Variants in NOC3L observed in about 807,000 individuals in gnomAD.
NOC3L encodes the protein NOC3 like DNA replication regulator.
In NOC3L, 85 loss-of-function variants were observed where a neutral mutation model predicts 102.5. The observed-to-expected ratio is 0.83, with a 90% CI of 0.70 to 0.99. NOC3L has a LOEUF of 0.99. NOC3L is among the 50% of genes least tolerant of loss of function. NOC3L has a pLI of 0.00. For missense variants in NOC3L, 878 were observed against 914.9 expected (o/e 0.96, Z 0.52); for synonymous variants, 303 against 309.4 (o/e 0.98, Z 0.22).
chr10:94,336,247 A>G (rs2054216293), intron 19 of NOC3L, among the ~76,000 whole-genome samples: 1 of 152,162 alleles, frequency 6.6e-6, no homozygotes, highest in Non-Finnish European at 1.5e-5. Context: ...ATGCAGCAAC[A>G]AGATGCCATC....
chr10:94,353,630 C>A (rs2054448893), intron 6 of NOC3L, among the ~76,000 whole-genome samples: 1 of 152,166 alleles, frequency 6.6e-6, no homozygotes, highest in East Asian at 1.9e-4. Context: ...AGGGGACACA[C>A]CTCCAAACTA....
the NOC3L span, chr10:94,316,471 C>G: frequency 2.2e-6 from 2 of 902,762 alleles, no homozygotes; most frequent in African/African-American, 1.6e-5. Flanking sequence ...CATAGCAAAC[C>G]TATCTGAACA....
chr10:94,360,043 C>T (rs980726719), intron 2 of NOC3L, among the ~76,000 whole-genome samples: 9 of 152,236 alleles, frequency 5.9e-5, no homozygotes, highest in Non-Finnish European at 1.2e-4. Flanking sequence ...CGGGGCCAGG[C>T]GCGGTGGCTC....
chr10:94,349,452 C>A, intron 9 of NOC3L, 74 bp from the exon 10 acceptor site: 1 of 1,385,420 alleles, frequency 7.2e-7, no homozygotes, highest in Admixed American at 2.7e-5. Flanking sequence ...TAACAGAATT[C>A]TTTGTTGTAG....
rs539411348 is a variant in NOC3L, at chr10:94,349,859, C to T, written c.1128+254G>A. On this transcript the variant is annotated intron_variant, in intron 9 of 20. Transcript: ENST00000371361. ...CTGCAAGCTCTGCCTCCTGAGTTCA[C>T]GCCATTCTCCTGCCTCAGCCTCCCA... Among the ~76,000 whole-genome samples, 353 of 152,148 alleles carry T rather than the reference C, an allele frequency of 2.3e-3. 2 individuals are homozygous for T. The highest frequency in any genetic ancestry group is 3.6e-3 in the Non-Finnish European group (244 of 68,006).
the NOC3L span, chr10:94,322,158 TCAA>T: frequency 3.5e-6 from 4 of 1,146,910 alleles, no homozygotes; most frequent in Middle Eastern, 1.9e-4. Flanking sequence ...GTGAAGTTCC[TCAA>T]CAACAGGGAC....
chr10:94,355,191 G>T, intron 5 of NOC3L, 98 bp from the exon 6 acceptor site: 1 of 1,105,918 alleles, frequency 9.0e-7, no homozygotes, highest in Non-Finnish European at 1.3e-6. Flanking sequence ...AATGACAACA[G>T]CTAAGAATTT....
intron 20 of NOC3L, 102 bp from the exon 21 acceptor site, chr10:94,334,407 G>T (rs2054193598): frequency 1.4e-6 from 1 of 725,936 alleles, no homozygotes; most frequent in East Asian, 2.5e-5. Context: ...ACCAACACAT[G>T]CAACACAATG....
Position 94,355,183 on chromosome 10 carries a change from TGAC to T in NOC3L, c.566-93_566-91del, listed in dbSNP as rs1170709535. 3.4e-6 allele frequency: 4 copies of T among 1,165,576 alleles called. No individual in the cohort carries two copies. The African/African-American group carries it at 6.2e-5, about 18-fold the overall frequency. The allele number at this position is 1,165,576 out of a possible 1,614,324, so 72.2% of individuals were successfully genotyped here. A position where few individuals can be genotyped will look rare whatever the true frequency, so the allele number is the denominator to read the frequency against. On this transcript the variant is annotated intron_variant, in intron 5 of 20. Transcript: ENST00000371361. ...AATATTTTTACAGTAATAATAATAATGACAACAGCTAAGAATTTTGTATTTACT... is the reference window on the plus strand; with the variant it reads ...AATATTTTTACAGTAATAATAATAATAACAGCTAAGAATTTTGTATTTACT...
chr10:94,328,842 C>G (rs2054122055), downstream of NOC3L: 2 of 152,124 alleles, frequency 1.3e-5, no homozygotes, highest in Non-Finnish European at 2.9e-5. Flanking sequence ...ATTGCTTAAT[C>G]ATAGATTAGA....
downstream of NOC3L, chr10:94,332,277 T>C (rs527747519): frequency 1.2e-4 from 18 of 152,326 alleles, no homozygotes; most frequent in Admixed American, 9.2e-4. Flanking sequence ...CTCTAAACTT[T>C]TGACACAAGT....
intron 19 of NOC3L, 94 bp downstream of exon 19, chr10:94,337,683 T>A: frequency 1.3e-6 from 1 of 765,548 alleles, no homozygotes; most frequent in South Asian, 2.0e-5. Flanking sequence ...CACTTTACAT[T>A]TTGTAGTATG....
intron 1 of NOC3L, 114 bp from the exon 2 acceptor site, chr10:94,361,986 G>A (rs1452034125): frequency 2.4e-6 from 2 of 825,522 alleles, no homozygotes; most frequent in African/African-American, 3.4e-5. Flanking sequence ...ATGTCCCACA[G>A]CCACAGACTT....
chr10:94,329,816 A>C (rs566636218), downstream of NOC3L: 1 of 145,514 alleles, frequency 6.9e-6, no homozygotes, highest in Non-Finnish European at 1.5e-5. Context: ...AAAAAACACC[A>C]TACAGCTTTC....
At chr10:94,357,990 A>G in intron 3 of NOC3L, 93 bp downstream of exon 3, 1 of 773,048 alleles carries the variant, frequency 1.3e-6, no homozygotes, top group South Asian at 1.5e-5. Context: ...ATTGTGCTCA[A>G]AGGTGAACAC....
downstream of NOC3L, chr10:94,330,914 C>T (rs967521150): frequency 3.9e-5 from 6 of 152,190 alleles, no homozygotes; most frequent in African/African-American, 1.4e-4. Flanking sequence ...AAACTCTTCT[C>T]ATTAAAGTTG....
intron 10 of NOC3L, among the ~76,000 whole-genome samples, chr10:94,347,963 G>A (rs1014853734): frequency 6.6e-6 from 1 of 151,494 alleles, no homozygotes; most frequent in Non-Finnish European, 1.5e-5. Flanking sequence ...GGAGAAAAAA[G>A]AATAGTCATG....
Position 94,333,959 on chromosome 10 carries a change from T to C in NOC3L, c.*218A>G. 1 of 339,216 alleles carries C rather than the reference T, an allele frequency of 2.9e-6. No individual in the cohort carries two copies. The highest frequency in any genetic ancestry group is 5.3e-6 in the Non-Finnish European group (1 of 189,630). 21.0% of individuals were successfully genotyped at this position (339,216 alleles called of 1,614,324 possible). A position where few individuals can be genotyped will look rare whatever the true frequency, so the allele number is the denominator to read the frequency against. On this transcript the variant is annotated 3_prime_UTR_variant, in exon 21 of 21. Coordinates refer to ENST00000371361, the MANE Select transcript of NOC3L (RefSeq NM_022451.11). ...CATCAAGAAAGTAATTTCCAAATACTGGGGAGAAAAAAAGGCTTTTGATCT... is the reference window on the plus strand; with the variant it reads ...CATCAAGAAAGTAATTTCCAAATACCGGGGAGAAAAAAAGGCTTTTGATCT...
At position 94,334,615 on chromosome 10, in the gene NOC3L, A is replaced by C. The variant is rs2054196168; in HGVS notation, c.2274+19T>G. 3 of 1,582,568 alleles carry C rather than the reference A, an allele frequency of 1.9e-6. No individual in the cohort carries two copies. The highest frequency in any genetic ancestry group is 2.6e-6 in the Non-Finnish European group (3 of 1,157,042). On this transcript the variant is annotated intron_variant, in intron 20 of 20. Transcript: ENST00000371361. ...TGGTTTCTATTTCTTCCTTTAAAAA[A>C]ATGAAAAATATCCCATACCTTTATT...
Sources: allele counts gnomAD v4.1 joint callset (sites outside exome capture counted in the v4.1 genomes callset), GRCh38; gene constraint gnomAD v4.1.1; transcripts MANE v1.5; gene names NCBI Gene and HGNC (gene_info 2026-07-23, HGNC 2026-07-21).